Variants in SCHIP1 observed in about 807,000 individuals in gnomAD.
SCHIP1 encodes schwannomin-interacting protein 1.
Under a neutral mutation model 29.7 loss-of-function variants are expected in SCHIP1, and 8 were observed. The ratio of observed to expected loss-of-function variants is 0.27; its 90% CI spans 0.16 to 0.49. The LOEUF (loss-of-function observed/expected upper bound fraction) is 0.49, where lower values mean the gene tolerates loss of function less well. Among genes scored for constraint, SCHIP1 ranks in the 20% least tolerant of loss-of-function variants. SCHIP1 has a pLI of 0.99. For missense variants in SCHIP1, 193 were observed against 294.6 expected, an observed-to-expected ratio of 0.66 and a Z score of 2.52; for synonymous variants, 76 against 94.9, an observed-to-expected ratio of 0.80 and a Z score of 1.16.
At chr3:159,618,850 C>T in the SCHIP1 span, among the ~76,000 whole-genome samples, 1 of 152,338 alleles carries the variant, frequency 6.6e-6, no homozygotes, top group South Asian at 2.1e-4. Context: ...GGGGCCTGCT[C>T]CTGGTGGGCT....
At chr3:159,292,710 G>T in the SCHIP1 span, among the ~76,000 whole-genome samples, 2 of 152,118 alleles carry the variant, frequency 1.3e-5, no homozygotes, top group Non-Finnish European at 2.9e-5. Flanking sequence ...TAACTAAAAT[G>T]ATTTTTAATA....
chr3:159,834,840 G>T, the SCHIP1 span, among the ~76,000 whole-genome samples: 1 of 152,162 alleles, frequency 6.6e-6, no homozygotes. Context: ...AAACAAAAAT[G>T]AATCTCGTGT....
the SCHIP1 span, among the ~76,000 whole-genome samples, chr3:159,507,801 A>G: frequency 6.6e-6 from 1 of 152,232 alleles, no homozygotes; most frequent in Non-Finnish European, 1.5e-5. Flanking sequence ...CCAGCCTTGC[A>G]TCCCAGGGAT....
the SCHIP1 span, among the ~76,000 whole-genome samples, chr3:159,332,449 A>G: frequency 1.3e-5 from 2 of 152,210 alleles, no homozygotes; most frequent in African/African-American, 4.8e-5. Flanking sequence ...TAATTTTTAC[A>G]TTGTAATGCT....
chr3:159,588,846 T>C, the SCHIP1 span, among the ~76,000 whole-genome samples: 1 of 152,258 alleles, frequency 6.6e-6, no homozygotes, highest in Non-Finnish European at 1.5e-5. Context: ...ACCAGTACCA[T>C]GCTGTTTTGG....
the SCHIP1 span, among the ~76,000 whole-genome samples, chr3:159,600,429 C>T: frequency 6.6e-6 from 1 of 152,278 alleles, no homozygotes; most frequent in South Asian, 2.1e-4. Flanking sequence ...TTCAAAAGAC[C>T]TGTCTTCAAG....
At chr3:159,321,637 C>A in the SCHIP1 span, among the ~76,000 whole-genome samples, 1 of 152,004 alleles carries the variant, frequency 6.6e-6, no homozygotes. Flanking sequence ...CATATGTATA[C>A]ATGTGCCATG....
At chr3:159,711,815 T>C in the SCHIP1 span, among the ~76,000 whole-genome samples, 1 of 152,224 alleles carries the variant, frequency 6.6e-6, no homozygotes, top group Non-Finnish European at 1.5e-5. Context: ...CAGGACTTGC[T>C]GACAGGGAAC....
At chr3:159,817,332 C>T in the SCHIP1 span, among the ~76,000 whole-genome samples, 3 of 151,976 alleles carry the variant, frequency 2.0e-5, no homozygotes, top group African/African-American at 7.3e-5. Flanking sequence ...GTGGCGGGGT[C>T]GAGGAGAGGT....
the SCHIP1 span, among the ~76,000 whole-genome samples, chr3:159,579,009 C>T: frequency 6.6e-6 from 1 of 152,202 alleles, no homozygotes; most frequent in Non-Finnish European, 1.5e-5. Context: ...TTGGACAATA[C>T]TGATCTACAT....
At chr3:159,615,514 C>A in the SCHIP1 span, among the ~76,000 whole-genome samples, 5 of 152,150 alleles carry the variant, frequency 3.3e-5, no homozygotes, top group Admixed American at 3.3e-4. Context: ...CTACCTGGCA[C>A]CTTTATGGGA....
chr3:159,503,867 T>TC, the SCHIP1 span, among the ~76,000 whole-genome samples: 1 of 152,050 alleles, frequency 6.6e-6, no homozygotes, highest in Non-Finnish European at 1.5e-5. Context: ...GAATCATAGA[T>TC]AAAAGGGGGA....
At chr3:159,618,533 A>C in the SCHIP1 span, among the ~76,000 whole-genome samples, 1 of 152,176 alleles carries the variant, frequency 6.6e-6, no homozygotes, top group Non-Finnish European at 1.5e-5. Context: ...ACGGAAGAAA[A>C]TTTGTGCAAA....
At chr3:159,548,304 T>C in the SCHIP1 span, among the ~76,000 whole-genome samples, 23 of 152,200 alleles carry the variant, frequency 1.5e-4, no homozygotes, top group East Asian at 4.4e-3. Flanking sequence ...TAGTATTATA[T>C]ACATTTGTTA....
the SCHIP1 span, among the ~76,000 whole-genome samples, chr3:159,390,538 T>G: frequency 2.0e-5 from 3 of 152,094 alleles, no homozygotes; most frequent in Admixed American, 1.3e-4. Context: ...CGAAAAAAAT[T>G]GAGGCATTCT....
chr3:159,396,729 C>T, the SCHIP1 span, among the ~76,000 whole-genome samples: 1 of 151,920 alleles, frequency 6.6e-6, no homozygotes, highest in Non-Finnish European at 1.5e-5. Flanking sequence ...GGTAACCCGA[C>T]CTTTCTCTCT....
chr3:159,568,228 CAT>C, the SCHIP1 span, among the ~76,000 whole-genome samples: 4 of 152,032 alleles, frequency 2.6e-5, no homozygotes, highest in African/African-American at 9.7e-5. Flanking sequence ...TGCTGTAAAA[CAT>C]ATCATCTGAG....
the SCHIP1 span, among the ~76,000 whole-genome samples, chr3:159,413,253 C>T: frequency 6.6e-6 from 1 of 152,112 alleles, no homozygotes; most frequent in African/African-American, 2.4e-5. Flanking sequence ...AGAGCCAAAC[C>T]ATATTAGGCA....
the SCHIP1 span, among the ~76,000 whole-genome samples, chr3:159,577,291 G>A: frequency 6.6e-6 from 1 of 152,166 alleles, no homozygotes; most frequent in Non-Finnish European, 1.5e-5. Flanking sequence ...AGGAGGAAGT[G>A]TGGGTCTCAT....
Sources: gnomAD v4.1 joint callset for allele counts (sites outside exome capture counted in the v4.1 genomes callset) on GRCh38, gnomAD v4.1.1 for gene constraint, MANE v1.5 for transcripts, NCBI Gene and HGNC (gene_info 2026-07-23, HGNC 2026-07-21) for gene names.